Variants in ZNF804A observed in about 807,000 individuals in gnomAD.
ZNF804A encodes zinc finger protein 804A.
A neutral mutation model predicts 16.5 loss-of-function variants in ZNF804A; 2 were observed. The ratio of observed to expected loss-of-function variants is 0.12; its 90% CI spans 0.05 to 0.38. The LOEUF (loss-of-function observed/expected upper bound fraction) is 0.38, where lower values mean the gene tolerates loss of function less well. ZNF804A is among the 10% of genes least tolerant of loss of function. The pLI, the probability that ZNF804A is intolerant of heterozygous loss-of-function variation, is 0.99. For missense variants in ZNF804A, 1,473 were observed against 1,390.7 expected (o/e 1.06, Z -0.94); for synonymous variants, 534 against 489.6 (o/e 1.09, Z -1.20).
intron 1 of ZNF804A, among the ~76,000 whole-genome samples, chr2:184,809,200 A>G (rs1694854748): frequency 6.6e-6 from 1 of 151,922 alleles, no homozygotes; most frequent in Admixed American, 6.6e-5. Flanking sequence ...TAATTTGGTT[A>G]TAAAGTATTG....
intron 1 of ZNF804A, among the ~76,000 whole-genome samples, chr2:184,666,739 A>G (rs1692261618): frequency 6.6e-6 from 1 of 152,036 alleles, no homozygotes; most frequent in Non-Finnish European, 1.5e-5. Flanking sequence ...ACATGTTAAT[A>G]TTGCCTTCAC....
chr2:184,675,037 C>T (rs979795632), intron 1 of ZNF804A, among the ~76,000 whole-genome samples: 7 of 151,548 alleles, frequency 4.6e-5, no homozygotes, highest in South Asian at 2.1e-4. Flanking sequence ...TACGTATGTG[C>T]GTGAACATGG....
At chr2:184,802,415 C>T (rs1043790303) in intron 1 of ZNF804A, among the ~76,000 whole-genome samples, 2 of 152,166 alleles carry the variant, frequency 1.3e-5, no homozygotes, top group Non-Finnish European at 2.9e-5. Flanking sequence ...TCGTTGTGTC[C>T]TTTAAGGTAA....
In ZNF804A at chr2:184,617,129, G is replaced by A. The variant is rs561337670; in HGVS notation, c.111+18059G>A. On this transcript the variant is annotated intron_variant, in intron 1 of 3. Coordinates refer to ENST00000302277, the MANE Select transcript of ZNF804A (RefSeq NM_194250.2). ...ATTAAAAAAACTTGAAAAAACTGTAGTTATAGTTAAAGGACATAATTTTAA... is the reference window on the plus strand; with the variant it reads ...ATTAAAAAAACTTGAAAAAACTGTAATTATAGTTAAAGGACATAATTTTAA... 5.3e-5 allele frequency among the ~76,000 whole-genome samples: 8 copies of A among 152,094 alleles called. No homozygotes were observed. In the South Asian group the frequency reaches 1.7e-3, roughly 32 times the overall value.
At chr2:184,657,018 T>C (rs1300180277) in intron 1 of ZNF804A, among the ~76,000 whole-genome samples, 2 of 152,240 alleles carry the variant, frequency 1.3e-5, no homozygotes, top group Non-Finnish European at 2.9e-5. Context: ...CTAAATATCA[T>C]AGAAAACATT....
At chr2:184,704,080 C>G (rs939547869) in intron 1 of ZNF804A, among the ~76,000 whole-genome samples, 1 of 151,894 alleles carries the variant, frequency 6.6e-6, no homozygotes, top group East Asian at 1.9e-4. Flanking sequence ...ACAATTATAC[C>G]TGATAAGTGA....
chr2:184,603,777 C>A (rs899883084), intron 1 of ZNF804A, among the ~76,000 whole-genome samples: 2 of 152,268 alleles, frequency 1.3e-5, no homozygotes, highest in South Asian at 2.1e-4. Context: ...ATTATATATT[C>A]TTCCAAATTT....
chr2:184,860,462 G>A (rs1420685109), intron 1 of ZNF804A, among the ~76,000 whole-genome samples: 1 of 152,232 alleles, frequency 6.6e-6, no homozygotes, highest in East Asian at 1.9e-4. Flanking sequence ...AACTTGCCTG[G>A]AGGCTGAGTT....
At chr2:184,870,721 G>A (rs1390465702) in intron 2 of ZNF804A, among the ~76,000 whole-genome samples, 3 of 151,962 alleles carry the variant, frequency 2.0e-5, no homozygotes, top group Non-Finnish European at 4.4e-5. Flanking sequence ...TCAAAATTTT[G>A]TGGTAGGTAA....
chr2:184,913,648 C>A (rs1685398093), intron 2 of ZNF804A, among the ~76,000 whole-genome samples: 1 of 152,128 alleles, frequency 6.6e-6, no homozygotes, highest in South Asian at 2.1e-4. Context: ...TCATTCAGTT[C>A]CTGTAAACCT....
intron 1 of ZNF804A, among the ~76,000 whole-genome samples, chr2:184,775,549 C>T (rs1694272993): frequency 6.6e-6 from 1 of 151,702 alleles, no homozygotes; most frequent in South Asian, 2.1e-4. Context: ...GTCATATCAT[C>T]ATGAACTCCT....
At chr2:184,662,598 T>C (rs1425208111) in intron 1 of ZNF804A, among the ~76,000 whole-genome samples, 1 of 152,202 alleles carries the variant, frequency 6.6e-6, no homozygotes, top group African/African-American at 2.4e-5. Flanking sequence ...TAGAAATTTC[T>C]ACCAGTACTC....
chr2:184,626,851 A>T (rs1229753521), intron 1 of ZNF804A, among the ~76,000 whole-genome samples: 1 of 152,198 alleles, frequency 6.6e-6, no homozygotes, highest in South Asian at 2.1e-4. Flanking sequence ...TGTTATAACA[A>T]TTGGGATGGG....
At chr2:184,793,738 T>C (rs1694588613) in intron 1 of ZNF804A, among the ~76,000 whole-genome samples, 1 of 152,128 alleles carries the variant, frequency 6.6e-6, no homozygotes, top group East Asian at 1.9e-4. Flanking sequence ...CCTTTCTCTC[T>C]GAGTCTCCAA....
chr2:184,871,932 A>G (rs1191469692), intron 2 of ZNF804A, among the ~76,000 whole-genome samples: 5 of 152,044 alleles, frequency 3.3e-5, no homozygotes, highest in Non-Finnish European at 2.9e-5. Flanking sequence ...GATGATTTTC[A>G]AAACAGAATA....
At position 184,672,561 on chromosome 2, in the gene ZNF804A, A is replaced by G. The variant is rs1368827340; in HGVS notation, c.111+73491A>G. Among the ~76,000 whole-genome samples, 5 of 152,330 alleles carry G rather than the reference A, an allele frequency of 3.3e-5. No individual in the cohort carries two copies. The South Asian group carries it at 1.0e-3, about 32-fold the overall frequency. ...GAAATTATAAAATATGTTAGCATTCATAAAAATCTCTGGATTCTAGATGAC... is the reference window on the plus strand; with the variant it reads ...GAAATTATAAAATATGTTAGCATTCGTAAAAATCTCTGGATTCTAGATGAC... On this transcript the variant is annotated intron_variant, in intron 1 of 3. Transcript: ENST00000302277.
rs1021220159 is a variant in ZNF804A, at chr2:184,711,703, TCA to T, written c.111+112634_111+112635del. On this transcript the variant is annotated intron_variant, in intron 1 of 3. Coordinates refer to ENST00000302277, the MANE Select transcript of ZNF804A (RefSeq NM_194250.2). ...ATTTTATTGTTTTTCATATGAATCC[TCA>T]GTTTTCTCAACACCATTTATTGAAG... is the stretch of plus-strand genomic sequence containing the variant. Among the ~76,000 whole-genome samples, 23 of 151,748 alleles carry T rather than the reference TCA, an allele frequency of 1.5e-4. No individual in the cohort carries two copies. The South Asian group carries it at 4.4e-3, about 29-fold the overall frequency.
chr2:184,688,536 G>A (rs935991384), intron 1 of ZNF804A, among the ~76,000 whole-genome samples: 1 of 151,896 alleles, frequency 6.6e-6, no homozygotes, highest in Non-Finnish European at 1.5e-5. Context: ...CTGAGAGATA[G>A]GATTACTTTT....
At chr2:184,648,108 T>TA (rs1553522490) in intron 1 of ZNF804A, among the ~76,000 whole-genome samples, 2 of 151,936 alleles carry the variant, frequency 1.3e-5, no homozygotes, top group African/African-American at 4.8e-5. Flanking sequence ...TAAATAATTT[T>TA]AAGAAAAGAA....
Sources: allele counts gnomAD v4.1 joint callset (sites outside exome capture counted in the v4.1 genomes callset), GRCh38; gene constraint gnomAD v4.1.1; transcripts MANE v1.5; gene names NCBI Gene and HGNC (gene_info 2026-07-23, HGNC 2026-07-21).